The following NBAS variants were observed in gnomAD, a reference collection of about 807,000 sequenced individuals.
NBAS encodes NBAS subunit of NRZ tethering complex.
Under a neutral mutation model 302.5 loss-of-function variants are expected in NBAS, and 219 were observed. The observed-to-expected ratio is 0.72, with a 90% CI of 0.65 to 0.81. NBAS has a LOEUF of 0.81. Ranked by LOEUF, NBAS falls within the 30% of genes least tolerant of loss-of-function variation. The pLI, the probability that NBAS is intolerant of heterozygous loss-of-function variation, is 0.00. For missense variants in NBAS, 2,932 were observed against 2,841.6 expected, an observed-to-expected ratio of 1.03 and a Z score of -0.72; for synonymous variants, 1,118 against 1,021.6, an observed-to-expected ratio of 1.09 and a Z score of -1.80.
At chr2:15,154,451 TCCA>T in the NBAS span, among the ~76,000 whole-genome samples, 5 of 152,192 alleles carry the variant, frequency 3.3e-5, no homozygotes, top group East Asian at 9.6e-4. Flanking sequence ...GACTTCTAGC[TCCA>T]TTGCCTCATT....
the NBAS span, among the ~76,000 whole-genome samples, chr2:14,987,817 C>T: frequency 8.5e-5 from 13 of 152,070 alleles, no homozygotes; most frequent in Non-Finnish European, 1.3e-4. Context: ...AGGGAATTTG[C>T]GTAGGGAAAT....
chr2:15,104,691 T>C, the NBAS span, among the ~76,000 whole-genome samples: 16 of 152,166 alleles, frequency 1.1e-4, no homozygotes, highest in African/African-American at 1.7e-4. Flanking sequence ...TTCCTGTTTC[T>C]CCACATCCTC....
At chr2:15,164,864 C>G (rs1663976233), downstream of NBAS, among the ~76,000 whole-genome samples, 1 of 152,154 alleles carries the variant, frequency 6.6e-6, no homozygotes, top group Non-Finnish European at 1.5e-5. Context: ...ACTGCTCAAA[C>G]CTTTTAAATT....
At chr2:15,281,542 C>T (rs1170933790) in intron 42 of NBAS, among the ~76,000 whole-genome samples, 1 of 152,158 alleles carries the variant, frequency 6.6e-6, no homozygotes. Context: ...ATAATAGCTA[C>T]TATTTTTTTT....
chr2:15,243,485 C>G (rs1365285100), intron 44 of NBAS, among the ~76,000 whole-genome samples: 1 of 151,528 alleles, frequency 6.6e-6, no homozygotes, highest in Non-Finnish European at 1.5e-5. Context: ...GACTATCTAC[C>G]GAAAGCCTCT....
the NBAS span, among the ~76,000 whole-genome samples, chr2:15,061,168 C>T: frequency 1.5e-3 from 225 of 152,286 alleles, 1 homozygote; most frequent in East Asian, 0.039. Flanking sequence ...TTGGTATAAA[C>T]GTAAGTCTTT....
chr2:14,903,949 G>T, the NBAS span, among the ~76,000 whole-genome samples: 1 of 152,190 alleles, frequency 6.6e-6, no homozygotes, highest in Non-Finnish European at 1.5e-5. Context: ...AGAAGTGCCG[G>T]TTACCACCTG....
chr2:15,259,696 C>T (rs924900346), intron 44 of NBAS, among the ~76,000 whole-genome samples: 2 of 152,198 alleles, frequency 1.3e-5, no homozygotes, highest in African/African-American at 4.8e-5. Context: ...GCACAACTAC[C>T]TGCTGTCATA....
chr2:14,943,836 A>T, the NBAS span, among the ~76,000 whole-genome samples: 1 of 152,172 alleles, frequency 6.6e-6, no homozygotes, highest in Non-Finnish European at 1.5e-5. Context: ...TTATTTTCCA[A>T]TAGGATTTGA....
At chr2:15,498,711 C>T (rs981141962) in intron 11 of NBAS, among the ~76,000 whole-genome samples, 1 of 152,048 alleles carries the variant, frequency 6.6e-6, no homozygotes, top group African/African-American at 2.4e-5. Flanking sequence ...CTCACAAGAT[C>T]TGATGGTTTA....
At chr2:14,996,499 G>A in the NBAS span, among the ~76,000 whole-genome samples, 2 of 152,162 alleles carry the variant, frequency 1.3e-5, no homozygotes, top group African/African-American at 2.4e-5. Context: ...TCCAAATCAC[G>A]GGACATCTGC....
the NBAS span, among the ~76,000 whole-genome samples, chr2:14,862,052 C>G: frequency 0.26 from 39,275 of 152,042 alleles, 9,328 homozygotes; most frequent in African/African-American, 0.63. Flanking sequence ...GGACACAACT[C>G]AAGAAGGGAA....
intron 31 of NBAS, 62 bp downstream of exon 31, chr2:15,374,545 AG>A: frequency 7.2e-7 from 1 of 1,387,474 alleles, no homozygotes; most frequent in Admixed American, 1.7e-5. Flanking sequence ...AAACTAAAAA[AG>A]AATACTAGTA....
chr2:14,958,761 C>T, the NBAS span, among the ~76,000 whole-genome samples: 1 of 152,204 alleles, frequency 6.6e-6, no homozygotes, highest in African/African-American at 2.4e-5. Flanking sequence ...CAGAGCAATA[C>T]ACAGGTTGCC....
the NBAS span, among the ~76,000 whole-genome samples, chr2:14,794,981 ATTTG>A: frequency 1.6e-4 from 24 of 152,234 alleles, no homozygotes; most frequent in South Asian, 4.4e-3. Flanking sequence ...GGGGATATCA[ATTTG>A]TTTGTCCATT....
chr2:15,055,085 C>T, the NBAS span, among the ~76,000 whole-genome samples: 1 of 152,178 alleles, frequency 6.6e-6, no homozygotes, highest in Non-Finnish European at 1.5e-5. Flanking sequence ...CATTCATCCA[C>T]AGCTCCCCAT....
the NBAS span, among the ~76,000 whole-genome samples, chr2:15,114,878 T>C: frequency 6.6e-6 from 1 of 152,196 alleles, no homozygotes; most frequent in Non-Finnish European, 1.5e-5. Context: ...CATATTATGA[T>C]AAATATGAAG....
At chr2:15,467,431 C>T in intron 18 of NBAS, 24 bp from the exon 19 acceptor site, 1 of 1,561,988 alleles carries the variant, frequency 6.4e-7, no homozygotes, top group Non-Finnish European at 8.8e-7. Context: ...CTATGTTAGG[C>T]CACTTATATT....
chr2:15,111,797 C>T, the NBAS span, among the ~76,000 whole-genome samples: 1 of 151,076 alleles, frequency 6.6e-6, no homozygotes, highest in Non-Finnish European at 1.5e-5. Flanking sequence ...ATCTACCTCT[C>T]ATTAAAATAA....
Sources: gnomAD v4.1 joint callset for allele counts (sites outside exome capture counted in the v4.1 genomes callset) on GRCh38, gnomAD v4.1.1 for gene constraint, MANE v1.5 for transcripts, NCBI Gene and HGNC (gene_info 2026-07-23, HGNC 2026-07-21) for gene names.